NCALD: variants seen among roughly 807,000 people sequenced by gnomAD.
NCALD encodes neurocalcin delta.
In NCALD, 10 loss-of-function variants were observed where a neutral mutation model predicts 18.6. The observed-to-expected ratio is 0.54, with a 90% CI of 0.33 to 0.91. NCALD has a LOEUF of 0.91. NCALD is among the 40% of genes least tolerant of loss of function. The probability of loss-of-function intolerance (pLI) is 0.03; values close to 1 mark genes in which losing one functional copy is unlikely to be tolerated. For synonymous variants in NCALD, 88 were observed against 87.4 expected, an observed-to-expected ratio of 1.01 and a Z score of -0.04; for missense variants, 184 against 247.6, an observed-to-expected ratio of 0.74 and a Z score of 1.72.
chr8:101,990,587 T>G (rs1014546880), intron 2 of NCALD, among the ~76,000 whole-genome samples: 2 of 152,196 alleles, frequency 1.3e-5, no homozygotes, highest in African/African-American at 4.8e-5. Flanking sequence ...TCATGACATC[T>G]GATGGTTTTA....
intron 1 of NCALD, among the ~76,000 whole-genome samples, chr8:102,051,379 A>G (rs1823453669): frequency 6.6e-6 from 1 of 152,188 alleles, no homozygotes; most frequent in Non-Finnish European, 1.5e-5. Flanking sequence ...AGGTCTCAGT[A>G]CGTGGTACCT....
intron 1 of NCALD, among the ~76,000 whole-genome samples, chr8:101,761,684 G>A (rs937339429): frequency 1.3e-5 from 2 of 152,140 alleles, no homozygotes; most frequent in African/African-American, 4.8e-5. Flanking sequence ...GGACTTATTT[G>A]TTTCCCAGTA....
rs117059138 is a variant in NCALD at position 101,735,660 on chromosome 8, G to A, written c.-19-16012C>T. On this transcript the variant is annotated intron_variant, in intron 1 of 3. Transcript: ENST00000220931. Reference sequence around the variant, plus strand: ...AAGTTAAAATTTAACTGAACATCCCGCATTTTTATTTGCTAACTCTAGTAA... The same window carrying A: ...AAGTTAAAATTTAACTGAACATCCCACATTTTTATTTGCTAACTCTAGTAA... Among the ~76,000 whole-genome samples the A allele has an allele frequency of 6.6e-3, 1,007 of 152,068 alleles. 39 individuals are homozygous for A. The East Asian group carries it at 0.12, about 18-fold the overall frequency.
chr8:101,863,269 C>T (rs568448122), intron 4 of NCALD, among the ~76,000 whole-genome samples: 1 of 152,270 alleles, frequency 6.6e-6, no homozygotes, highest in Admixed American at 6.5e-5. Flanking sequence ...TCTTATCAAC[C>T]TTGGGGTTTT....
chr8:101,829,983 T>G (rs1158485037), intron 4 of NCALD, among the ~76,000 whole-genome samples: 1 of 151,398 alleles, frequency 6.6e-6, no homozygotes, highest in African/African-American at 2.4e-5. Flanking sequence ...GGTTTTTTTT[T>G]TTTTTTTTTT....
chr8:101,989,170 A>C (rs1162023196), intron 2 of NCALD, among the ~76,000 whole-genome samples: 2 of 152,192 alleles, frequency 1.3e-5, no homozygotes, highest in African/African-American at 2.4e-5. Context: ...AGTGATAAAG[A>C]GGGAGCAATG....
chr8:101,906,908 C>T (rs1223991002), intron 3 of NCALD, among the ~76,000 whole-genome samples: 1 of 152,092 alleles, frequency 6.6e-6, no homozygotes, highest in Non-Finnish European at 1.5e-5. Flanking sequence ...TATTTTAATG[C>T]AATGTTTTAA....
chr8:102,040,957 T>A (rs1453956580), intron 1 of NCALD, among the ~76,000 whole-genome samples: 1 of 134,668 alleles, frequency 7.4e-6, no homozygotes, highest in Non-Finnish European at 1.6e-5. Context: ...TGTAAAAGTT[T>A]AAGGGGTGGT....
chr8:101,868,313 AC>A (rs1265256843), intron 4 of NCALD, among the ~76,000 whole-genome samples: 11 of 152,006 alleles, frequency 7.2e-5, no homozygotes, highest in African/African-American at 2.2e-4. Flanking sequence ...CTTCTCCTAA[AC>A]CCTGACAGCC....
At chr8:101,745,041 G>A (rs1230595171) in intron 1 of NCALD, among the ~76,000 whole-genome samples, 4 of 135,926 alleles carry the variant, frequency 2.9e-5, no homozygotes, top group African/African-American at 1.1e-4. Flanking sequence ...TTTCTGGGGG[G>A]TAGGGTGGGG....
chr8:101,988,902 G>GAAAAAAAAAAAAAAAAA (rs35196499), intron 2 of NCALD, among the ~76,000 whole-genome samples: 1 of 66,102 alleles, frequency 1.5e-5, no homozygotes, highest in Non-Finnish European at 2.8e-5. Context: ...GGTGCCAGCA[G>GAAAAAAAAAAAAAAAAA]AAAAAAAAAA....
At chr8:102,049,602 G>A (rs1823360115) in intron 1 of NCALD, among the ~76,000 whole-genome samples, 1 of 152,084 alleles carries the variant, frequency 6.6e-6, no homozygotes, top group Non-Finnish European at 1.5e-5. Context: ...ATTTAGTTTT[G>A]TAAGAAACAA....
chr8:101,890,358 T>C (rs1039284047), intron 3 of NCALD, among the ~76,000 whole-genome samples: 1 of 152,232 alleles, frequency 6.6e-6, no homozygotes. Flanking sequence ...CCTTCTCTTA[T>C]GAAGTAGAAT....
At chr8:101,827,126 C>T (rs1813969252) in intron 4 of NCALD, among the ~76,000 whole-genome samples, 1 of 152,148 alleles carries the variant, frequency 6.6e-6, no homozygotes, top group African/African-American at 2.4e-5. Flanking sequence ...GGGTAGAAGC[C>T]CTTCCTTGCC....
At chr8:101,693,068 C>G (rs1814809081) in intron 2 of NCALD, 172 bp from the exon 3 acceptor site, 1 of 522,398 alleles carries the variant, frequency 1.9e-6, no homozygotes, top group African/African-American at 1.9e-5. Flanking sequence ...AGAAGCCGGG[C>G]CCACAAAGCT....
chr8:101,814,963 A>T (rs534028687), intron 4 of NCALD, among the ~76,000 whole-genome samples: 1 of 152,250 alleles, frequency 6.6e-6, no homozygotes, highest in Admixed American at 6.5e-5. Context: ...TGATGAACAA[A>T]ATCAAAGAAC....
At chr8:101,822,397 G>C (rs750324584) in intron 4 of NCALD, among the ~76,000 whole-genome samples, 4 of 152,098 alleles carry the variant, frequency 2.6e-5, no homozygotes, top group Non-Finnish European at 5.9e-5. Flanking sequence ...AAAGGAGCTG[G>C]TCGATTGCCT....
intron 1 of NCALD, among the ~76,000 whole-genome samples, chr8:101,755,052 A>T (rs750786146): frequency 2.6e-5 from 4 of 152,190 alleles, no homozygotes; most frequent in African/African-American, 4.8e-5. Flanking sequence ...ACTTGGTTAG[A>T]CACCACCTTG....
chr8:101,759,491 C>A (rs1415711763), intron 1 of NCALD, among the ~76,000 whole-genome samples: 1 of 152,160 alleles, frequency 6.6e-6, no homozygotes, highest in African/African-American at 2.4e-5. Context: ...AGGAAAACAT[C>A]CCAGATTATT....
Sources: allele counts gnomAD v4.1 joint callset (sites outside exome capture counted in the v4.1 genomes callset), GRCh38; gene constraint gnomAD v4.1.1; transcripts MANE v1.5; gene names NCBI Gene and HGNC (gene_info 2026-07-23, HGNC 2026-07-21).